PRKD1: variants seen among roughly 807,000 people sequenced by gnomAD.
PRKD1 encodes the protein protein kinase D1.
Under a neutral mutation model 95.9 loss-of-function variants are expected in PRKD1, and 63 were observed. That is an observed-to-expected ratio of 0.66 (90% CI 0.54 to 0.81). The LOEUF is 0.81. Ranked by LOEUF, PRKD1 falls within the 30% of genes least tolerant of loss-of-function variation. The probability of loss-of-function intolerance (pLI) is 0.00; values close to 1 mark genes in which losing one functional copy is unlikely to be tolerated. For synonymous variants in PRKD1, 425 were observed against 423.1 expected (o/e 1.00, Z -0.05); for missense variants, 1,048 against 1,165.3 (o/e 0.90, Z 1.47).
chr14:29,786,661 T>A (rs954361053), intron 1 of PRKD1, among the ~76,000 whole-genome samples: 1 of 152,174 alleles, frequency 6.6e-6, no homozygotes, highest in African/African-American at 2.4e-5. Flanking sequence ...TGATCCTTTG[T>A]ATTTCTGTGG....
At chr14:29,636,532 A>C in intron 6 of PRKD1, 38 bp from the exon 7 acceptor site, 5 of 1,604,626 alleles carry the variant, frequency 3.1e-6, no homozygotes, top group African/African-American at 2.7e-5. Context: ...TAAGCCTGGA[A>C]TCTTGGAGCC....
At chr14:29,812,641 G>A (rs1172964037) in intron 1 of PRKD1, among the ~76,000 whole-genome samples, 1 of 152,136 alleles carries the variant, frequency 6.6e-6, no homozygotes, top group African/African-American at 2.4e-5. Context: ...AAAGTACCAT[G>A]TATAAAACCA....
chr14:29,777,821 C>T (rs895750391), intron 1 of PRKD1, among the ~76,000 whole-genome samples: 4 of 152,128 alleles, frequency 2.6e-5, no homozygotes, highest in African/African-American at 4.8e-5. Context: ...AACTCTCCAC[C>T]CCAAATCAAC....
chr14:29,667,657 A>T (rs1239925688), intron 2 of PRKD1, among the ~76,000 whole-genome samples: 1 of 152,210 alleles, frequency 6.6e-6, no homozygotes, highest in Non-Finnish European at 1.5e-5. Flanking sequence ...TAAAATATCA[A>T]AGAAAATAAT....
chr14:29,647,870 C>A (rs1264585539), intron 4 of PRKD1, among the ~76,000 whole-genome samples: 2 of 152,116 alleles, frequency 1.3e-5, no homozygotes, highest in South Asian at 2.1e-4. Context: ...AAAACAGATG[C>A]CTTTTAAGCA....
At chr14:29,605,996 A>G (rs1445985895) in intron 13 of PRKD1, among the ~76,000 whole-genome samples, 1 of 152,122 alleles carries the variant, frequency 6.6e-6, no homozygotes, top group Non-Finnish European at 1.5e-5. Context: ...ATATGATCAT[A>G]AGTAATGACT....
chr14:29,629,216 G>C, intron 10 of PRKD1, 123 bp from the exon 11 acceptor site: 1 of 670,464 alleles, frequency 1.5e-6, no homozygotes. Flanking sequence ...ATAGCAATTA[G>C]GTTTTTCTAA....
intron 1 of PRKD1, among the ~76,000 whole-genome samples, chr14:29,867,397 T>C (rs750500113): frequency 7.2e-5 from 11 of 152,284 alleles, no homozygotes; most frequent in South Asian, 4.1e-4. Flanking sequence ...TAGAATATCC[T>C]AGCAAGAGGA....
At chr14:29,581,963 T>C (rs1188005989) in intron 16 of PRKD1, among the ~76,000 whole-genome samples, 1 of 152,224 alleles carries the variant, frequency 6.6e-6, no homozygotes, top group Non-Finnish European at 1.5e-5. Context: ...CAGGCAGTGC[T>C]TCCTCCTAGA....
chr14:29,811,624 G>T (rs1325233184), intron 1 of PRKD1, among the ~76,000 whole-genome samples: 2 of 152,192 alleles, frequency 1.3e-5, no homozygotes, highest in African/African-American at 4.8e-5. Flanking sequence ...TCTGCCAGGG[G>T]CTGAGGATAG....
At chr14:29,693,825 G>A (rs1884373424) in intron 2 of PRKD1, among the ~76,000 whole-genome samples, 1 of 152,094 alleles carries the variant, frequency 6.6e-6, no homozygotes, top group Non-Finnish European at 1.5e-5. Flanking sequence ...TACCCAGATG[G>A]TTTCCTGCAA....
chr14:29,593,497 G>C (rs1893200601), intron 16 of PRKD1, among the ~76,000 whole-genome samples: 1 of 152,120 alleles, frequency 6.6e-6, no homozygotes, highest in Admixed American at 6.6e-5. Flanking sequence ...TTGTTCCCTG[G>C]GTGTTAAGGG....
At chr14:29,670,279 G>A (rs760911395) in intron 2 of PRKD1, among the ~76,000 whole-genome samples, 3 of 152,074 alleles carry the variant, frequency 2.0e-5, no homozygotes, top group Non-Finnish European at 4.4e-5. Flanking sequence ...GTCAAAATGA[G>A]GATGACAGGC....
At chr14:29,587,112 G>A (rs994956750) in intron 16 of PRKD1, among the ~76,000 whole-genome samples, 2 of 152,150 alleles carry the variant, frequency 1.3e-5, no homozygotes, top group African/African-American at 4.8e-5. Context: ...CCTCTGAGAT[G>A]AGTCTTTATT....
chr14:29,647,017 A>G (rs982361822), intron 4 of PRKD1, among the ~76,000 whole-genome samples: 1 of 152,132 alleles, frequency 6.6e-6, no homozygotes, highest in Non-Finnish European at 1.5e-5. Flanking sequence ...TATCCTAAAT[A>G]TATAGCATAA....
At chr14:29,596,310 C>G (rs1261975209) in intron 16 of PRKD1, among the ~76,000 whole-genome samples, 1 of 152,160 alleles carries the variant, frequency 6.6e-6, no homozygotes, top group Non-Finnish European at 1.5e-5. Context: ...TGGTGAACAT[C>G]TGAACAAACA....
intron 16 of PRKD1, chr14:29,594,276 A>C (rs1893224385): frequency 9.5e-6 from 3 of 314,832 alleles, no homozygotes; most frequent in Non-Finnish European, 1.9e-5. Context: ...TTTTCATGCC[A>C]GGAAAAAAAA....
At chr14:29,924,361 GAAC>G (rs989616167) in intron 1 of PRKD1, among the ~76,000 whole-genome samples, 47 of 152,214 alleles carry the variant, frequency 3.1e-4, no homozygotes, top group African/African-American at 1.0e-3. Flanking sequence ...CATAATTAGA[GAAC>G]AACTATACTC....
chr14:29,780,992 A>G (rs1179403742), intron 1 of PRKD1, among the ~76,000 whole-genome samples: 2 of 152,074 alleles, frequency 1.3e-5, no homozygotes, highest in Admixed American at 1.3e-4. Context: ...CTTTGTAGGG[A>G]CATGGATGAA....
Sources: allele counts gnomAD v4.1 joint callset (sites outside exome capture counted in the v4.1 genomes callset), GRCh38; gene constraint gnomAD v4.1.1; transcripts MANE v1.5; gene names NCBI Gene and HGNC (gene_info 2026-07-23, HGNC 2026-07-21).